ZNF385B: variants seen among roughly 807,000 people sequenced by gnomAD.
The protein encoded by ZNF385B is zinc finger protein 385B.
Under a neutral mutation model 39.2 loss-of-function variants are expected in ZNF385B, and 23 were observed. The observed-to-expected ratio is 0.59, with a 90% CI of 0.42 to 0.83. ZNF385B has a LOEUF of 0.83. Among genes scored for constraint, ZNF385B ranks in the 40% least tolerant of loss-of-function variants. The pLI is 0.00. For synonymous variants in ZNF385B, 205 were observed against 222.6 expected (o/e 0.92, Z 0.70); for missense variants, 552 against 598.9 (o/e 0.92, Z 0.82).
chr2:179,574,608 C>T (rs867663956), intron 3 of ZNF385B, among the ~76,000 whole-genome samples: 3 of 152,088 alleles, frequency 2.0e-5, no homozygotes, highest in African/African-American at 7.2e-5. Context: ...AGGAAAAGAC[C>T]ATTAAAAGCC....
chr2:179,689,052 T>C (rs886416264), intron 3 of ZNF385B, among the ~76,000 whole-genome samples: 2 of 152,196 alleles, frequency 1.3e-5, no homozygotes, highest in Non-Finnish European at 1.5e-5. Context: ...GTGAGATCTA[T>C]ATTTAGAGGA....
chr2:179,819,575 A>AT (rs1707279260), intron 1 of ZNF385B, among the ~76,000 whole-genome samples: 1 of 152,192 alleles, frequency 6.6e-6, no homozygotes, highest in East Asian at 1.9e-4. Context: ...GTCCCAGAAG[A>AT]TAAATACAGA....
intron 3 of ZNF385B, among the ~76,000 whole-genome samples, chr2:179,737,656 T>C (rs1175610344): frequency 6.6e-6 from 1 of 152,232 alleles, no homozygotes; most frequent in Admixed American, 6.5e-5. Flanking sequence ...ACCCCACAGC[T>C]TTTACTAGGA....
chr2:179,664,928 C>T (rs1002921201), intron 3 of ZNF385B, among the ~76,000 whole-genome samples: 4 of 151,964 alleles, frequency 2.6e-5, no homozygotes, highest in Admixed American at 1.3e-4. Context: ...TAAAAACCCT[C>T]ATTTAAAAAA....
At chr2:179,478,807 G>C (rs1402509131) in intron 6 of ZNF385B, among the ~76,000 whole-genome samples, 3 of 152,090 alleles carry the variant, frequency 2.0e-5, no homozygotes, top group African/African-American at 7.2e-5. Context: ...TTTTCTGGAG[G>C]CTCTGTATTT....
intron 3 of ZNF385B, among the ~76,000 whole-genome samples, chr2:179,756,624 C>A (rs187644398): frequency 6.6e-6 from 1 of 152,204 alleles, no homozygotes; most frequent in Non-Finnish European, 1.5e-5. Flanking sequence ...ACCAATCAAA[C>A]GTAGATTTGG....
At chr2:179,784,860 T>G (rs1174238378) in intron 1 of ZNF385B, among the ~76,000 whole-genome samples, 1 of 152,076 alleles carries the variant, frequency 6.6e-6, no homozygotes, top group Non-Finnish European at 1.5e-5. Flanking sequence ...GGTACAGCCA[T>G]TTTGGAAATT....
intron 4 of ZNF385B, among the ~76,000 whole-genome samples, chr2:179,525,689 G>A (rs1021507018): frequency 2.6e-5 from 4 of 152,190 alleles, no homozygotes; most frequent in African/African-American, 7.2e-5. Flanking sequence ...GTAGTACAAA[G>A]AGAATAACTA....
chr2:179,478,695 T>G (rs781515502), intron 6 of ZNF385B, among the ~76,000 whole-genome samples: 1 of 152,208 alleles, frequency 6.6e-6, no homozygotes, highest in Non-Finnish European at 1.5e-5. Flanking sequence ...TTCCTCATAT[T>G]GATATCTAAT....
At chr2:179,677,493 AGTT>A (rs561387358) in intron 3 of ZNF385B, among the ~76,000 whole-genome samples, 2 of 152,354 alleles carry the variant, frequency 1.3e-5, no homozygotes, top group South Asian at 4.1e-4. Flanking sequence ...AAACGAATGA[AGTT>A]GTTGTGAGAA....
chr2:179,772,486 C>T (rs1704068779), intron 1 of ZNF385B, among the ~76,000 whole-genome samples: 1 of 152,194 alleles, frequency 6.6e-6, no homozygotes, highest in African/African-American at 2.4e-5. Flanking sequence ...AAAATAAGAT[C>T]AGCTTCTGTT....
intron 1 of ZNF385B, among the ~76,000 whole-genome samples, chr2:179,853,643 A>C (rs1402993337): frequency 6.6e-6 from 1 of 152,238 alleles, no homozygotes; most frequent in Non-Finnish European, 1.5e-5. Context: ...CAAAGAAATC[A>C]GTGTACCTGC....
At position 179,518,585 on chromosome 2, in the gene ZNF385B, G is replaced by T. The variant is rs749506759; in HGVS notation, c.495C>A (p.Pro165=). ...AAGAAATAACTTGTTTCTTCTTTGG[G>T]GGAATGGATACTCCAAATGTATGGT... ...VINHTFGVSI[P]PKKKQVISCN... Residue 165 remains proline, a synonymous_variant, in exon 5 of 10, where the codon CCC becomes CCA. Transcript: ENST00000410066. The T allele has an allele frequency of 6.2e-7, 1 of 1,608,802 alleles. No homozygotes were observed. The highest frequency in any genetic ancestry group is 1.1e-5 in the South Asian group (1 of 90,084).
At chr2:179,658,520 G>A (rs938444536) in intron 3 of ZNF385B, among the ~76,000 whole-genome samples, 2 of 152,190 alleles carry the variant, frequency 1.3e-5, no homozygotes, top group Non-Finnish European at 2.9e-5. Context: ...GAGGAGCCAC[G>A]ATGAAAACCT....
intron 5 of ZNF385B, among the ~76,000 whole-genome samples, chr2:179,502,878 C>T (rs971312852): frequency 6.6e-6 from 1 of 152,090 alleles, no homozygotes. Context: ...TCTACCACAA[C>T]AATTTTGGTT....
chr2:179,500,651 C>A (rs2056669671), intron 5 of ZNF385B, among the ~76,000 whole-genome samples: 1 of 152,106 alleles, frequency 6.6e-6, no homozygotes, highest in African/African-American at 2.4e-5. Context: ...TGCTACAAGA[C>A]TAACAATGGG....
intron 3 of ZNF385B, among the ~76,000 whole-genome samples, chr2:179,729,987 C>T (rs1390908203): frequency 6.6e-6 from 1 of 152,166 alleles, no homozygotes; most frequent in Admixed American, 6.6e-5. Context: ...TTATAAATTA[C>T]CCAGTCTCAA....
intron 1 of ZNF385B, among the ~76,000 whole-genome samples, chr2:179,841,920 G>T (rs1370225087): frequency 1.3e-5 from 2 of 152,132 alleles, no homozygotes; most frequent in Admixed American, 6.5e-5. Flanking sequence ...AGAACAAAAT[G>T]ACACACTCCC....
chr2:179,460,459 G>C (rs982078623), intron 6 of ZNF385B, among the ~76,000 whole-genome samples: 2 of 152,138 alleles, frequency 1.3e-5, no homozygotes, highest in African/African-American at 2.4e-5. Flanking sequence ...AAGATTAAGA[G>C]TATTAAAGGG....
Sources: allele counts gnomAD v4.1 joint callset (sites outside exome capture counted in the v4.1 genomes callset), GRCh38; gene constraint gnomAD v4.1.1; transcripts MANE v1.5; gene names NCBI Gene and HGNC (gene_info 2026-07-23, HGNC 2026-07-21).